The following LRRIQ1 variants were observed in gnomAD, a reference collection of about 807,000 sequenced individuals.
LRRIQ1 encodes the protein leucine rich repeats and IQ motif containing 1, also known as leucine-rich repeat- and IQ domain-containing protein 1.
LRRIQ1 carries 210 observed loss-of-function variants against 211.9 expected under a neutral mutation model. That is an observed-to-expected ratio of 0.99 (90% CI 0.89 to 1.11). LRRIQ1 has a LOEUF of 1.11. Among genes scored for constraint, LRRIQ1 ranks in the 50% most tolerant of loss-of-function variants. LRRIQ1 has a pLI of 0.00. For missense variants in LRRIQ1, 2,136 were observed against 1,939.5 expected (o/e 1.10, Z -1.90); for synonymous variants, 699 against 650.1 (o/e 1.08, Z -1.14).
chr12:85,201,469 A>C (rs901072213), intron 24 of LRRIQ1, among the ~76,000 whole-genome samples: 3 of 151,460 alleles, frequency 2.0e-5, no homozygotes, highest in African/African-American at 7.3e-5. Context: ...TTTGGAATTC[A>C]TTATTGGTCT....
At chr12:85,191,836 A>G (rs1034003999) in intron 24 of LRRIQ1, among the ~76,000 whole-genome samples, 6 of 151,844 alleles carry the variant, frequency 4.0e-5, no homozygotes, top group Non-Finnish European at 7.4e-5. Context: ...GTAGTACCAC[A>G]TTGTTGTTTA....
At chr12:85,153,393 G>C (rs1049567454) in intron 21 of LRRIQ1, among the ~76,000 whole-genome samples, 3 of 151,402 alleles carry the variant, frequency 2.0e-5, no homozygotes, top group Non-Finnish European at 4.4e-5. Context: ...TAAACAAGTG[G>C]ATCTTTAAAT....
At chr12:85,178,523 A>G (rs1024890922) in intron 24 of LRRIQ1, among the ~76,000 whole-genome samples, 1 of 151,978 alleles carries the variant, frequency 6.6e-6, no homozygotes, top group African/African-American at 2.4e-5. Context: ...CATTCTACTC[A>G]AATTACATTC....
Position 85,066,870 on chromosome 12 carries a change from A to G in LRRIQ1, c.2667A>G (p.Glu889=), listed in dbSNP as rs372621724. ...LDGCTNIQCL[E]LSYNKITRIG... is the part of the protein sequence containing the mutation. ...GCTGTACTAATATTCAGTGTCTTGA[A>G]CTTTCATATAATAAAATTACTCGAA... Residue 889 remains glutamate, a synonymous_variant, in exon 10 of 27, where the codon GAA becomes GAG. Coordinates refer to ENST00000393217, the MANE Select transcript of LRRIQ1 (RefSeq NM_001079910.2). 6 of 1,532,090 alleles carry G rather than the reference A, an allele frequency of 3.9e-6. No homozygotes were observed. The highest frequency in any genetic ancestry group is 2.8e-5 in the African/African-American group (2 of 72,126). 94.9% of individuals were successfully genotyped at this position (1,532,090 alleles called of 1,614,324 possible).
chr12:85,246,675 C>A (rs1895728620), downstream of LRRIQ1, among the ~76,000 whole-genome samples: 1 of 151,374 alleles, frequency 6.6e-6, no homozygotes, highest in African/African-American at 2.4e-5. Flanking sequence ...TAATGCAATT[C>A]TCACTGTAAT....
chr12:85,257,533 T>C (rs1405329201), intron 1 of LRRIQ1, among the ~76,000 whole-genome samples: 1 of 151,620 alleles, frequency 6.6e-6, no homozygotes, highest in Non-Finnish European at 1.5e-5. Context: ...CATTCTTAAC[T>C]GCTTATTGGA....
chr12:85,105,541 A>G (rs1203145432), intron 14 of LRRIQ1, among the ~76,000 whole-genome samples: 1 of 152,052 alleles, frequency 6.6e-6, no homozygotes, highest in Non-Finnish European at 1.5e-5. Context: ...TTTTCTCATA[A>G]CTATGGCTTA....
chr12:85,114,147 C>G (rs1887396188), intron 15 of LRRIQ1, among the ~76,000 whole-genome samples: 1 of 151,796 alleles, frequency 6.6e-6, no homozygotes, highest in East Asian at 1.9e-4. Context: ...TAAAGTGAAA[C>G]TTCTCATACA....
At chr12:85,248,049 TATA>T (rs1466690551), downstream of LRRIQ1, among the ~76,000 whole-genome samples, 19 of 151,826 alleles carry the variant, frequency 1.3e-4, no homozygotes, top group African/African-American at 4.3e-4. Context: ...TCCTCATTTA[TATA>T]ATATTTAGTC....
chr12:85,217,581 T>G lies in LRRIQ1; in HGVS notation c.4823-11936T>G, dbSNP rs529774021. 6.7e-3 allele frequency among the ~76,000 whole-genome samples: 603 copies of G among 89,402 alleles called. 11 individuals are homozygous for G. In the African/African-American group the frequency reaches 0.075, roughly 11 times the overall value. 58.7% of individuals were successfully genotyped at this position (89,402 alleles called of 152,430 possible). On this transcript the variant is annotated intron_variant, in intron 24 of 26. Coordinates refer to ENST00000393217, the MANE Select transcript of LRRIQ1 (RefSeq NM_001079910.2). Reference sequence around the variant, plus strand: ...AGGTATATATATGTGTGTATACATATGTATATATATATGTATATATGTATA... The same window carrying G: ...AGGTATATATATGTGTGTATACATAGGTATATATATATGTATATATGTATA...
intron 1 of LRRIQ1, among the ~76,000 whole-genome samples, chr12:85,252,462 G>T (rs1410825429): frequency 6.6e-6 from 1 of 151,878 alleles, no homozygotes; most frequent in Non-Finnish European, 1.5e-5. Context: ...AGATTATTTT[G>T]AAGGTGGTTA....
chr12:85,157,694 G>A (rs962244136), intron 23 of LRRIQ1, among the ~76,000 whole-genome samples: 20 of 151,928 alleles, frequency 1.3e-4, no homozygotes, highest in African/African-American at 4.3e-4. Context: ...GCAAGACTGA[G>A]ATGAGGTGGA....
chr12:85,186,679 G>C (rs530160409), intron 24 of LRRIQ1, among the ~76,000 whole-genome samples: 5 of 152,046 alleles, frequency 3.3e-5, no homozygotes, highest in Admixed American at 2.0e-4. Context: ...TAAGAAGCCT[G>C]TGTAATTTAT....
rs201933309 is a variant in LRRIQ1 at position 85,099,047 on chromosome 12, T to C, written c.3209+53T>C. Reference sequence around the variant, plus strand: ...AGTGAATGATTGTTTAAAATAAATATGTGATGTTCATAAACTACCATAAAA... The same window carrying C: ...AGTGAATGATTGTTTAAAATAAATACGTGATGTTCATAAACTACCATAAAA... On this transcript the variant is annotated intron_variant, in intron 13 of 26. Coordinates refer to ENST00000393217, the MANE Select transcript of LRRIQ1 (RefSeq NM_001079910.2). The C allele has an allele frequency of 3.9e-6, 5 of 1,294,324 alleles. No individual in the cohort carries two copies. The African/African-American group carries it at 6.1e-5, about 16-fold the overall frequency. The allele number at this position is 1,294,324 out of a possible 1,614,324, so 80.2% of individuals were successfully genotyped here.
rs181412248 is a variant in LRRIQ1, at chr12:85,166,268, G to A, written c.4822+5554G>A. Among the ~76,000 whole-genome samples, 703 of 152,112 alleles carry A rather than the reference G, an allele frequency of 4.6e-3. 4 individuals are homozygous for A. Among genetic ancestry groups the A allele is most frequent in the Non-Finnish European group, 7.4e-3 (503 of 67,988 alleles). ...GCGCAACAACTTTCTGAGGAATACG[G>A]GTTTATTTAGTCTTAGCTCCTCCAT... On this transcript the variant is annotated intron_variant, in intron 24 of 26. Coordinates refer to ENST00000393217, the MANE Select transcript of LRRIQ1 (RefSeq NM_001079910.2).
At position 85,057,151 on chromosome 12, in the gene LRRIQ1, T is replaced by G. The variant is rs755756150; in HGVS notation, c.2358T>G (p.Ile786Met). 2.6e-6 allele frequency: 4 copies of G among 1,562,064 alleles called. No homozygotes were observed. In the Admixed American group the frequency reaches 6.3e-5, roughly 24 times the overall value. The change falls in exon 8 of 27, where the codon ATT (isoleucine) becomes ATG (methionine). Residue 786 changes from isoleucine to methionine, a missense_variant. Coordinates refer to ENST00000393217, the MANE Select transcript of LRRIQ1 (RefSeq NM_001079910.2). Reference protein sequence around the residue: ...NMTPALDKLEILRCGPWDTLQ... With the variant: ...NMTPALDKLEMLRCGPWDTLQ... ...CACCCGCTTTGGATAAACTGGAAAT[T>G]CTTCGATGTGGCCCTTGGGATACTT...
At chr12:85,199,937 T>A (rs1430486968) in intron 24 of LRRIQ1, among the ~76,000 whole-genome samples, 1 of 152,182 alleles carries the variant, frequency 6.6e-6, no homozygotes, top group Non-Finnish European at 1.5e-5. Flanking sequence ...CACTAAGAAT[T>A]GCCTTTGATG....
At chr12:85,244,063 A>T (rs1895598735) in intron 26 of LRRIQ1, among the ~76,000 whole-genome samples, 1 of 151,592 alleles carries the variant, frequency 6.6e-6, no homozygotes, top group Admixed American at 6.6e-5. Flanking sequence ...TCAGAACTGA[A>T]TCCTAATGTA....
At chr12:85,269,402 G>A (rs192981642), downstream of LRRIQ1, among the ~76,000 whole-genome samples, 1 of 152,070 alleles carries the variant, frequency 6.6e-6, no homozygotes, top group Non-Finnish European at 1.5e-5. Flanking sequence ...CAAATATGAA[G>A]CGATAACAAT....
Sources: gnomAD v4.1 joint callset for allele counts (sites outside exome capture counted in the v4.1 genomes callset) on GRCh38, gnomAD v4.1.1 for gene constraint, MANE v1.5 for transcripts, NCBI Gene and HGNC (gene_info 2026-07-23, HGNC 2026-07-21) for gene names.